The following EPHA3 variants were observed in gnomAD, a reference collection of about 807,000 sequenced individuals.
The protein encoded by EPHA3 is EPH receptor A3.
A neutral mutation model predicts 107.1 loss-of-function variants in EPHA3; 42 were observed. That is an observed-to-expected ratio of 0.39 (90% CI 0.31 to 0.51). The LOEUF (loss-of-function observed/expected upper bound fraction) is 0.51. EPHA3 is among the 20% of genes least tolerant of loss of function. The pLI is 0.78. For missense variants in EPHA3, 1,183 were observed against 1,211.2 expected (o/e 0.98, Z 0.35); for synonymous variants, 461 against 424.8 (o/e 1.09, Z -1.05).
intron 2 of EPHA3, among the ~76,000 whole-genome samples, chr3:89,145,966 T>C (rs1704548428): frequency 6.6e-6 from 1 of 151,886 alleles, no homozygotes; most frequent in Admixed American, 6.6e-5. Flanking sequence ...TAAAAATGAA[T>C]AGATGCTAAT....
intron 3 of EPHA3, among the ~76,000 whole-genome samples, chr3:89,276,835 G>A (rs567015276): frequency 8.5e-5 from 13 of 152,162 alleles, no homozygotes; most frequent in South Asian, 6.2e-4. Flanking sequence ...CTAAAAGTCC[G>A]TCTGTTTTGA....
chr3:89,328,450 AC>A, intron 3 of EPHA3, among the ~76,000 whole-genome samples: 1 of 152,350 alleles, frequency 6.6e-6, no homozygotes, highest in Middle Eastern at 3.4e-3. Context: ...TGTGAAACTA[AC>A]AGTCACTGGA....
intron 3 of EPHA3, among the ~76,000 whole-genome samples, chr3:89,260,514 A>G (rs1001493603): frequency 6.6e-6 from 1 of 151,976 alleles, no homozygotes; most frequent in African/African-American, 2.4e-5. Context: ...TCTTTTGCCC[A>G]TTTTTAAATC....
chr3:89,324,553 A>G (rs1232297675), intron 3 of EPHA3, among the ~76,000 whole-genome samples: 2 of 150,516 alleles, frequency 1.3e-5, no homozygotes, highest in African/African-American at 4.9e-5. Context: ...TATTTTTTCT[A>G]CTTCTATTGC....
At chr3:89,467,447 T>G (rs1381938969) in intron 15 of EPHA3, among the ~76,000 whole-genome samples, 1 of 152,224 alleles carries the variant, frequency 6.6e-6, no homozygotes, top group Non-Finnish European at 1.5e-5. Context: ...GAAATGTGTA[T>G]TAGTTATTAT....
At chr3:89,182,499 T>C (rs1290279910) in intron 2 of EPHA3, among the ~76,000 whole-genome samples, 1 of 151,984 alleles carries the variant, frequency 6.6e-6, no homozygotes, top group Admixed American at 6.6e-5. Context: ...ATAGTACACA[T>C]AGATTTCTAT....
intron 3 of EPHA3, among the ~76,000 whole-genome samples, chr3:89,308,783 C>G (rs1365684047): frequency 1.3e-5 from 2 of 152,102 alleles, no homozygotes; most frequent in East Asian, 3.9e-4. Flanking sequence ...CTGGGAATAA[C>G]AATTTTAATG....
chr3:89,352,377 A>G (rs1707847254), intron 5 of EPHA3, among the ~76,000 whole-genome samples: 1 of 151,318 alleles, frequency 6.6e-6, no homozygotes, highest in Non-Finnish European at 1.5e-5. Flanking sequence ...TGTTGTCACT[A>G]ATATAATTTT....
chr3:89,411,161 A>G (rs1709148976), intron 9 of EPHA3, among the ~76,000 whole-genome samples: 1 of 151,750 alleles, frequency 6.6e-6, no homozygotes, highest in African/African-American at 2.4e-5. Flanking sequence ...TTTGAATAGT[A>G]TAGCTTTTTT....
At chr3:89,144,566 A>G (rs1393150652) in intron 2 of EPHA3, among the ~76,000 whole-genome samples, 1 of 151,956 alleles carries the variant, frequency 6.6e-6, no homozygotes, top group East Asian at 1.9e-4. Flanking sequence ...ATTAGAAAAT[A>G]TCTGCACATA....
chr3:89,281,162 T>C (rs1385606172), intron 3 of EPHA3, among the ~76,000 whole-genome samples: 2 of 152,142 alleles, frequency 1.3e-5, no homozygotes, highest in Non-Finnish European at 2.9e-5. Flanking sequence ...TAGCTGGGAC[T>C]ACAGGCCCAC....
chr3:89,421,789 T>C (rs1709357528), intron 11 of EPHA3, among the ~76,000 whole-genome samples: 1 of 151,302 alleles, frequency 6.6e-6, no homozygotes, highest in African/African-American at 2.4e-5. Context: ...ACTGAAACAA[T>C]TAAATATAGA....
chr3:89,427,373 G>T (rs1470358286), intron 11 of EPHA3, among the ~76,000 whole-genome samples: 1 of 151,724 alleles, frequency 6.6e-6, no homozygotes, highest in African/African-American at 2.4e-5. Flanking sequence ...ATCAAGAAAA[G>T]GAAGTTATTT....
In EPHA3 at chr3:89,479,532, A is replaced by C. The variant is rs765530325; in HGVS notation, c.*30A>C. 1.3e-6 allele frequency: 2 copies of C among 1,566,500 alleles called. No individual in the cohort carries two copies. The highest frequency in any genetic ancestry group is 2.2e-5 in the East Asian group (1 of 44,602). On this transcript the variant is annotated 3_prime_UTR_variant, in exon 17 of 17. Transcript: ENST00000336596. ...CGGGACGGAAGTGCTTCTGGACGGA[A>C]GTGGTGGCTGTGGAAGGCGTAGCAT...
At chr3:89,146,464 C>T (rs1403930829) in intron 2 of EPHA3, among the ~76,000 whole-genome samples, 1 of 152,062 alleles carries the variant, frequency 6.6e-6, no homozygotes, top group South Asian at 2.1e-4. Context: ...CTGTTCATAT[C>T]CTTTGCCAAC....
rs1296838201 is a variant in EPHA3 at position 89,450,289 on chromosome 3, A to G, written c.2609A>G (p.Lys870Arg). 6.2e-7 allele frequency: 1 copy of G among 1,614,050 alleles called. No homozygotes were observed. The highest frequency in any genetic ancestry group is 2.2e-5 in the East Asian group (1 of 44,856). ...CAGAAAGACAGGAACAACAGACCCAAGTTTGAGCAGATTGTTAGTATTCTG... is the reference window on the plus strand; with the variant it reads ...CAGAAAGACAGGAACAACAGACCCAGGTTTGAGCAGATTGTTAGTATTCTG... ...CWQKDRNNRP[K>R]FEQIVSILDK... Residue 870 changes from lysine (K) to arginine (R), a missense_variant, in exon 15 of 17, where the codon AAG becomes AGG. Lys to Arg is a conservative substitution (Grantham distance 26). Transcript: ENST00000336596.
At chr3:89,460,254 T>C (rs185329876) in intron 15 of EPHA3, among the ~76,000 whole-genome samples, 53 of 152,164 alleles carry the variant, frequency 3.5e-4, no homozygotes, top group African/African-American at 1.3e-3. Flanking sequence ...AATTCTTCTA[T>C]ACTGTTGTAA....
At chr3:89,108,189 A>G (rs1348728765) in intron 1 of EPHA3, among the ~76,000 whole-genome samples, 1 of 152,216 alleles carries the variant, frequency 6.6e-6, no homozygotes, top group Non-Finnish European at 1.5e-5. Flanking sequence ...AATTATGACC[A>G]TGTGGTACTC....
chr3:89,288,588 T>C (rs1025423120), intron 3 of EPHA3, among the ~76,000 whole-genome samples: 3 of 152,150 alleles, frequency 2.0e-5, no homozygotes, highest in Non-Finnish European at 4.4e-5. Flanking sequence ...TACTTCTATG[T>C]GAGTGGAAAA....
Sources: allele counts gnomAD v4.1 joint callset (sites outside exome capture counted in the v4.1 genomes callset), GRCh38; gene constraint gnomAD v4.1.1; transcripts MANE v1.5; gene names NCBI Gene and HGNC (gene_info 2026-07-23, HGNC 2026-07-21).